Variants in TTL observed in about 807,000 individuals in gnomAD.
The protein encoded by TTL is tubulin--tyrosine ligase.
TTL carries 10 observed loss-of-function variants against 41.1 expected under a neutral mutation model. The observed-to-expected ratio is 0.24, with a 90% CI of 0.15 to 0.41. The LOEUF is 0.41. Among genes scored for constraint, TTL ranks in the 10% least tolerant of loss-of-function variants. The probability of loss-of-function intolerance (pLI) is 1.00; values close to 1 mark genes in which losing one functional copy is unlikely to be tolerated. For missense variants in TTL, 367 were observed against 460.4 expected, an observed-to-expected ratio of 0.80 and a Z score of 1.86; for synonymous variants, 175 against 175.5, an observed-to-expected ratio of 1.00 and a Z score of 0.02.
At chr2:112,522,016 C>G (rs1682248295) in intron 6 of TTL, 1 of 152,372 alleles carries the variant, frequency 6.6e-6, no homozygotes, top group Admixed American at 6.5e-5. Flanking sequence ...GTTTGTCCCT[C>G]CATGGTGCTC....
At position 112,530,266 on chromosome 2, in the gene TTL, G is replaced by T. The variant is rs1682473686; in HGVS notation, c.*1471G>T. On this transcript the variant is annotated 3_prime_UTR_variant, in exon 7 of 7. Coordinates refer to ENST00000233336, the MANE Select transcript of TTL (RefSeq NM_153712.5). ...GATGTGAGAACTTACAATGAAAAAGGCAATAATGATAGAAATTATTTCTTA... is the reference window on the plus strand; with the variant it reads ...GATGTGAGAACTTACAATGAAAAAGTCAATAATGATAGAAATTATTTCTTA... The T allele has an allele frequency of 4.3e-6, 1 of 230,922 alleles. No homozygotes were observed. The highest frequency in any genetic ancestry group is 5.7e-5 in the Admixed American group (1 of 17,690). The allele number at this position is 230,922 out of a possible 1,614,324, so 14.3% of individuals were successfully genotyped here. A position where few individuals can be genotyped will look rare whatever the true frequency, so the allele number is the denominator to read the frequency against.
At chr2:112,509,358 T>G (rs965688234) in intron 5 of TTL, among the ~76,000 whole-genome samples, 1 of 151,980 alleles carries the variant, frequency 6.6e-6, no homozygotes, top group African/African-American at 2.4e-5. Context: ...TCGAGCTTCC[T>G]GGCTGCTTTG....
At chr2:112,519,196 A>G (rs1682155355) in intron 5 of TTL, among the ~76,000 whole-genome samples, 1 of 152,200 alleles carries the variant, frequency 6.6e-6, no homozygotes, top group African/African-American at 2.4e-5. Context: ...AATAATAGAT[A>G]TATGGTTATC....
chr2:112,510,740 A>G (rs560313025), intron 5 of TTL, among the ~76,000 whole-genome samples: 11 of 152,258 alleles, frequency 7.2e-5, no homozygotes, highest in East Asian at 5.8e-4. Flanking sequence ...TCCCTTTATC[A>G]GTTTCCCTCT....
Position 112,537,209 on chromosome 2 carries a change from T to G in TTL, c.*8414T>G, listed in dbSNP as rs1266123049. The G allele has an allele frequency of 6.5e-6, 1 of 152,728 alleles. No homozygotes were observed. Among genetic ancestry groups the G allele is most frequent in the African/African-American group, 2.4e-5 (1 of 41,474 alleles). The allele number at this position is 152,728 out of a possible 1,614,324, so 9.5% of individuals were successfully genotyped here. On this transcript the variant is annotated 3_prime_UTR_variant, in exon 7 of 7. Coordinates refer to ENST00000233336, the MANE Select transcript of TTL (RefSeq NM_153712.5). ...GATTCTCCTGCCTCAGCCTCCCAAG[T>G]AGCTGGGACTACAGGCGTGTGCCGC... is the stretch of plus-strand genomic sequence containing the variant.
intron 5 of TTL, among the ~76,000 whole-genome samples, chr2:112,503,805 C>CTTTTTTTTTTTTTTTTTTTTTT (rs70963002): frequency 9.8e-6 from 1 of 102,544 alleles, no homozygotes; most frequent in Non-Finnish European, 1.9e-5. Flanking sequence ...CCGTAAACTT[C>CTTTTTTTTTTTTTTTTTTTTTT]TTTTTTTTTT....
rs933280474 is a variant in TTL at position 112,532,013 on chromosome 2, T to A, written c.*3218T>A. ...ACATTTAAGTGCCTCAGCATCTGTA[T>A]GATATAGTGGAGCAGGTGCTGACAT... is the stretch of plus-strand genomic sequence containing the variant. On this transcript the variant is annotated 3_prime_UTR_variant, in exon 7 of 7. Transcript: ENST00000233336. The A allele has an allele frequency of 2.2e-5, 5 of 227,946 alleles. No homozygotes were observed. Among genetic ancestry groups the A allele is most frequent in the Non-Finnish European group, 4.4e-5 (5 of 114,850 alleles). The allele number at this position is 227,946 out of a possible 1,614,324, so 14.1% of individuals were successfully genotyped here.
Position 112,509,596 on chromosome 2 carries a change from C to A in TTL, c.875+6415C>A, listed in dbSNP as rs546266492. On this transcript the variant is annotated intron_variant, in intron 5 of 6. Coordinates refer to ENST00000233336, the MANE Select transcript of TTL (RefSeq NM_153712.5). The stretch of plus-strand genomic sequence containing the variant: ...CGATTTTCCAGGTGCGTCTGTCACC[C>A]CTTTCTTTGACTCGGAAAGGGAACT... Among the ~76,000 whole-genome samples the A allele has an allele frequency of 2.5e-3, 375 of 152,222 alleles. 2 individuals carry two copies. Among genetic ancestry groups the A allele is most frequent in the African/African-American group, 8.6e-3 (356 of 41,548 alleles).
chr2:112,496,922 G>A lies in TTL; in HGVS notation c.469+2547G>A, dbSNP rs1428751690. ...TGCAAGCTCCGCCTCCCAGGTTCAC[G>A]CCATTCTCCTGCCTCAGTATCCCGA... On this transcript the variant is annotated intron_variant, in intron 3 of 6. Transcript: ENST00000233336. Among the ~76,000 whole-genome samples, 20 of 151,958 alleles carry A rather than the reference G, an allele frequency of 1.3e-4. 1 individual carries two copies. The highest frequency in any genetic ancestry group is 4.8e-4 in the African/African-American group (20 of 41,462).
At chr2:112,487,513 A>G (rs906769308) in intron 2 of TTL, among the ~76,000 whole-genome samples, 2 of 152,200 alleles carry the variant, frequency 1.3e-5, no homozygotes, top group Non-Finnish European at 2.9e-5. Context: ...GGACTCAGTA[A>G]AAAAATAATG....
At chr2:112,515,165 C>T (rs901349823) in intron 5 of TTL, among the ~76,000 whole-genome samples, 1 of 152,142 alleles carries the variant, frequency 6.6e-6, no homozygotes, top group African/African-American at 2.4e-5. Context: ...ACATCCTTAT[C>T]TGATAACTCC....
intron 6 of TTL, among the ~76,000 whole-genome samples, chr2:112,524,255 A>T (rs974630693): frequency 1.3e-5 from 2 of 152,202 alleles, no homozygotes; most frequent in Non-Finnish European, 2.9e-5. Context: ...CAATAAACAT[A>T]CATGTGCATG....
intron 5 of TTL, among the ~76,000 whole-genome samples, chr2:112,513,635 G>GTATAAGTATA (rs1559017335): frequency 2.2e-4 from 33 of 148,800 alleles, no homozygotes; most frequent in African/African-American, 7.7e-4. Context: ...ATACAAGTAT[G>GTATAAGTATA]AATATTTATA....
chr2:112,532,464 G>A lies in TTL; in HGVS notation c.*3669G>A, dbSNP rs1682530490. The stretch of plus-strand genomic sequence containing the variant: ...TATTGACTGTCCTGGGATATCACTG[G>A]TCATTTAAATTCACCATATAATTAG... On this transcript the variant is annotated 3_prime_UTR_variant, in exon 7 of 7. Coordinates refer to ENST00000233336, the MANE Select transcript of TTL (RefSeq NM_153712.5). 1 of 220,278 alleles carries A rather than the reference G, an allele frequency of 4.5e-6. No homozygotes were observed. The allele number at this position is 220,278 out of a possible 1,614,324, so 13.6% of individuals were successfully genotyped here. A position where few individuals can be genotyped will look rare whatever the true frequency, so the allele number is the denominator to read the frequency against.
intron 2 of TTL, among the ~76,000 whole-genome samples, chr2:112,492,767 T>A (rs937953558): frequency 6.6e-6 from 1 of 151,792 alleles, no homozygotes; most frequent in African/African-American, 2.4e-5. Context: ...CACGGGCGTC[T>A]GTAATCCCAG....
Position 112,531,176 on chromosome 2 carries a change from T to C in TTL, c.*2381T>C, listed in dbSNP as rs1336925740. On this transcript the variant is annotated 3_prime_UTR_variant, in exon 7 of 7. Coordinates refer to ENST00000233336, the MANE Select transcript of TTL (RefSeq NM_153712.5). ...ATTTATTTCTGTTCATGCGGAATGATTGGTTCAGAACTGTTCCTTTCCCTT... is the reference window on the plus strand; with the variant it reads ...ATTTATTTCTGTTCATGCGGAATGACTGGTTCAGAACTGTTCCTTTCCCTT... 1 of 217,432 alleles carries C rather than the reference T, an allele frequency of 4.6e-6. No homozygotes were observed. Among genetic ancestry groups the C allele is most frequent in the Non-Finnish European group, 9.3e-6 (1 of 107,994 alleles). The allele number at this position is 217,432 out of a possible 1,614,324, so 13.5% of individuals were successfully genotyped here.
In TTL at chr2:112,501,291, T is replaced by C. The variant is rs1681688390; in HGVS notation, c.555T>C (p.Tyr185=). The change falls in exon 4 of 7, where the codon TAT becomes TAC. Residue 185 remains tyrosine (Y), a synonymous_variant. Coordinates refer to ENST00000233336, the MANE Select transcript of TTL (RefSeq NM_153712.5). The part of the protein sequence containing the change: ...NQGQVHVIQK[Y]LEHPLLLEPG... ...GCCAAGTGCACGTGATCCAGAAATA[T>C]CTTGAGCACCCTCTGCTGCTTGAGC... 1 of 1,613,504 alleles carries C rather than the reference T, an allele frequency of 6.2e-7. No individual in the cohort carries two copies. The highest frequency in any genetic ancestry group is 8.5e-7 in the Non-Finnish European group (1 of 1,179,738).
At chr2:112,527,242 A>G (rs532279279) in intron 6 of TTL, among the ~76,000 whole-genome samples, 17 of 152,204 alleles carry the variant, frequency 1.1e-4, no homozygotes, top group Non-Finnish European at 1.8e-4. Context: ...TATGTGGTCA[A>G]TTTTGGAATA....
chr2:112,495,727 G>C (rs938474235), intron 3 of TTL, among the ~76,000 whole-genome samples: 4 of 152,090 alleles, frequency 2.6e-5, no homozygotes, highest in Non-Finnish European at 5.9e-5. Context: ...GGTGCCTGTA[G>C]TCCCAGCTAC....
Sources: allele counts gnomAD v4.1 joint callset (sites outside exome capture counted in the v4.1 genomes callset), GRCh38; gene constraint gnomAD v4.1.1; transcripts MANE v1.5; gene names NCBI Gene and HGNC (gene_info 2026-07-23, HGNC 2026-07-21).